GALNT18: variants seen among roughly 807,000 people sequenced by gnomAD.
GALNT18 encodes the protein polypeptide N-acetylgalactosaminyltransferase 18.
GALNT18 carries 44 observed loss-of-function variants against 69.5 expected under a neutral mutation model. The ratio of observed to expected loss-of-function variants is 0.63; its 90% CI spans 0.50 to 0.81. GALNT18 has a LOEUF of 0.81. Among genes scored for constraint, GALNT18 ranks in the 40% least tolerant of loss-of-function variants. GALNT18 has a pLI of 0.00. For synonymous variants in GALNT18, 364 were observed against 318.2 expected, an observed-to-expected ratio of 1.14 and a Z score of -1.53; for missense variants, 715 against 810.0, an observed-to-expected ratio of 0.88 and a Z score of 1.42.
chr11:11,426,428 A>C (rs1235199575), intron 3 of GALNT18, among the ~76,000 whole-genome samples: 1 of 152,190 alleles, frequency 6.6e-6, no homozygotes, highest in East Asian at 1.9e-4. Flanking sequence ...ACTCACAAAG[A>C]ATCAGAGTGC....
At chr11:11,457,099 A>T (rs1202274817) in intron 1 of GALNT18, among the ~76,000 whole-genome samples, 1 of 152,238 alleles carries the variant, frequency 6.6e-6, no homozygotes, top group Admixed American at 6.5e-5. Context: ...GAAGCCAGTG[A>T]TGCTGAAAGT....
chr11:11,478,175 C>A (rs1856443179), intron 1 of GALNT18, among the ~76,000 whole-genome samples: 1 of 152,098 alleles, frequency 6.6e-6, no homozygotes, highest in Non-Finnish European at 1.5e-5. Flanking sequence ...GGAGCAAAAC[C>A]TGGATAGTAT....
At chr11:11,380,018 A>G (rs999379919) in intron 3 of GALNT18, among the ~76,000 whole-genome samples, 4 of 152,228 alleles carry the variant, frequency 2.6e-5, no homozygotes, top group Non-Finnish European at 5.9e-5. Context: ...GACAGCCCTC[A>G]CAGTTGGTTG....
At chr11:11,458,923 G>A (rs1855981243) in intron 1 of GALNT18, among the ~76,000 whole-genome samples, 1 of 152,156 alleles carries the variant, frequency 6.6e-6, no homozygotes, top group Non-Finnish European at 1.5e-5. Context: ...CTCCAACACT[G>A]GGCAAACCCC....
intron 9 of GALNT18, among the ~76,000 whole-genome samples, chr11:11,294,319 G>A (rs1027399665): frequency 6.6e-6 from 1 of 152,140 alleles, no homozygotes; most frequent in Non-Finnish European, 1.5e-5. Flanking sequence ...TTTTTTACTG[G>A]GGGCTGTCAC....
chr11:11,361,238 A>T (rs548421042), intron 6 of GALNT18, among the ~76,000 whole-genome samples: 1 of 152,342 alleles, frequency 6.6e-6, no homozygotes, highest in East Asian at 1.9e-4. Flanking sequence ...CCACAACGCT[A>T]TGCCTTCTTA....
Position 11,332,691 on chromosome 11 carries a change from T to A in GALNT18, c.1416+3A>T. ...TGAAACCCGGAGGAGGCCAGCTCCT[T>A]ACCACTCCATAGGCAATGATGTCGG... On this transcript the variant is annotated splice_donor_region_variant and intron_variant, in intron 8 of 10. Coordinates refer to ENST00000227756, the MANE Select transcript of GALNT18 (RefSeq NM_198516.3). This position sits in a 1 kb window ranked among gnomAD's most constrained non-coding sequence, Gnocchi z 4.3. 1 of 1,614,066 alleles carries A rather than the reference T, an allele frequency of 6.2e-7. No homozygotes were observed. Among genetic ancestry groups the A allele is most frequent in the Non-Finnish European group, 8.5e-7 (1 of 1,179,954 alleles).
chr11:11,474,941 G>A (rs918106382), intron 1 of GALNT18, among the ~76,000 whole-genome samples: 3 of 152,172 alleles, frequency 2.0e-5, no homozygotes, highest in African/African-American at 7.2e-5. Flanking sequence ...CCCAGAGTGG[G>A]AATGTCAATA....
At chr11:11,307,012 A>G (rs778389434) in intron 9 of GALNT18, among the ~76,000 whole-genome samples, 4 of 152,214 alleles carry the variant, frequency 2.6e-5, no homozygotes, top group Admixed American at 6.5e-5. Flanking sequence ...TAACACACAC[A>G]TGGCCCAGAA....
intron 8 of GALNT18, among the ~76,000 whole-genome samples, chr11:11,330,747 T>C (rs1442165329): frequency 6.6e-6 from 1 of 152,208 alleles, no homozygotes; most frequent in Non-Finnish European, 1.5e-5. Flanking sequence ...AGGGCCTACA[T>C]GTTAAACCTG....
chr11:11,525,092 G>C (rs1051022600), intron 1 of GALNT18, among the ~76,000 whole-genome samples: 1 of 152,080 alleles, frequency 6.6e-6, no homozygotes, highest in Admixed American at 6.6e-5. Context: ...AATTCAGAGA[G>C]GTGCAAGAAA....
At chr11:11,271,322 G>A (rs754111954) in intron 10 of GALNT18, 32 bp from the exon 11 acceptor site, 8 of 1,596,810 alleles carry the variant, frequency 5.0e-6, no homozygotes, top group African/African-American at 1.3e-5. Context: ...GGGGTCAGAG[G>A]GCATAGAGGC....
chr11:11,498,686 C>T (rs1856916255), intron 1 of GALNT18, among the ~76,000 whole-genome samples: 1 of 152,200 alleles, frequency 6.6e-6, no homozygotes, highest in Admixed American at 6.5e-5. Flanking sequence ...GTAGTCCCAG[C>T]TACTGGGGAG....
intron 1 of GALNT18, among the ~76,000 whole-genome samples, chr11:11,498,136 A>T (rs1856904143): frequency 6.6e-6 from 1 of 152,200 alleles, no homozygotes; most frequent in South Asian, 2.1e-4. Context: ...TCTAATCTTT[A>T]TCAGCTGCCC....
In GALNT18 at chr11:11,600,021, T is replaced by C. The variant is rs1217130919; in HGVS notation, c.235+21338A>G. On this transcript the variant is annotated intron_variant, in intron 1 of 10. Transcript: ENST00000227756. The surrounding 1 kb of genome is among the most constrained non-coding windows in gnomAD (Gnocchi z 4.8). The stretch of plus-strand genomic sequence containing the variant: ...CCATTAACTTAATTCTAGTGAAATA[T>C]AGAAAATTTAGTCCTATATAATTCT... Among the ~76,000 whole-genome samples the C allele has an allele frequency of 6.6e-6, 1 of 152,056 alleles. No homozygotes were observed. The highest frequency in any genetic ancestry group is 1.9e-4 in the East Asian group (1 of 5,196).
rs996705305 is a variant in GALNT18 at position 11,461,777 on chromosome 11, A to G, written c.236-12841T>C. ...CAGCTGGGCTAGACAGGGAGAAAGC[A>G]GTGTGGCCCTTGCCAGTAGGACAGC... On this transcript the variant is annotated intron_variant, in intron 1 of 10. Coordinates refer to ENST00000227756, the MANE Select transcript of GALNT18 (RefSeq NM_198516.3). The surrounding 1 kb of genome is among the most constrained non-coding windows in gnomAD (Gnocchi z 4.1). Among the ~76,000 whole-genome samples, 1 of 152,226 alleles carries G rather than the reference A, an allele frequency of 6.6e-6. No individual in the cohort carries two copies. Among genetic ancestry groups the G allele is most frequent in the Non-Finnish European group, 1.5e-5 (1 of 68,044 alleles).
intron 3 of GALNT18, among the ~76,000 whole-genome samples, chr11:11,408,235 G>A (rs889937727): frequency 4.6e-5 from 7 of 151,840 alleles, no homozygotes; most frequent in African/African-American, 7.3e-5. Flanking sequence ...GTTTGGGGTC[G>A]GGCGCCTGTA....
chr11:11,424,795 G>A (rs1176664535), intron 3 of GALNT18, among the ~76,000 whole-genome samples: 2 of 152,162 alleles, frequency 1.3e-5, no homozygotes, highest in Non-Finnish European at 2.9e-5. Flanking sequence ...TGGAAACAGT[G>A]GTAGTAACGC....
At chr11:11,611,768 A>T (rs554233857) in intron 1 of GALNT18, among the ~76,000 whole-genome samples, 29 of 152,200 alleles carry the variant, frequency 1.9e-4, no homozygotes, top group South Asian at 1.0e-3. Flanking sequence ...AAAGAGCTCT[A>T]GTCTGCAGCT....
Sources: allele counts gnomAD v4.1 joint callset (sites outside exome capture counted in the v4.1 genomes callset), GRCh38; gene constraint gnomAD v4.1.1; non-coding constraint Gnocchi (gnomAD v3.1); transcripts MANE v1.5; gene names NCBI Gene and HGNC (gene_info 2026-07-23, HGNC 2026-07-21).